The following SLC4A11 variants were observed in gnomAD, a reference collection of about 807,000 sequenced individuals.
SLC4A11 encodes the protein bicarbonate transporter related protein 1.
A neutral mutation model predicts 95.0 loss-of-function variants in SLC4A11; 74 were observed. The observed-to-expected ratio is 0.78, with a 90% CI of 0.65 to 0.95. The LOEUF (loss-of-function observed/expected upper bound fraction) is 0.95, where lower values mean the gene tolerates loss of function less well. Ranked by LOEUF, SLC4A11 falls within the 40% of genes least tolerant of loss-of-function variation. SLC4A11 has a pLI of 0.00. For synonymous variants in SLC4A11, 548 were observed against 519.0 expected, an observed-to-expected ratio of 1.06 and a Z score of -0.76; for missense variants, 1,081 against 1,192.4, an observed-to-expected ratio of 0.91 and a Z score of 1.38.
intron 7 of SLC4A11, among the ~76,000 whole-genome samples, chr20:3,233,037 G>A (rs1015474682): frequency 1.5e-4 from 23 of 152,212 alleles, no homozygotes; most frequent in Admixed American, 9.8e-4. Flanking sequence ...AGCTGAAGGC[G>A]CTGCCAAGGC....
Position 3,231,064 on chromosome 20 carries a change from A to G in SLC4A11, c.1043-6T>C, listed in dbSNP as rs765432673. ...CTTGTTTTTCCCAATAATGCCTAGG[A>G]ATGGGGGATGGGAGAGAGGGTTTGC... On this transcript the variant is annotated splice_polypyrimidine_tract_variant and splice_region_variant and intron_variant, in intron 9 of 19. Transcript: ENST00000642402. This position sits in a 1 kb window ranked among gnomAD's most constrained non-coding sequence, Gnocchi z 5.2. 6.2e-7 allele frequency: 1 copy of G among 1,608,850 alleles called. No homozygotes were observed. The highest frequency in any genetic ancestry group is 2.2e-5 in the East Asian group (1 of 44,872).
chr20:3,229,316 C>G (rs773461485), intron 15 of SLC4A11, 30 bp downstream of exon 15: 42 of 1,612,940 alleles, frequency 2.6e-5, no homozygotes, highest in African/African-American at 6.7e-5. Context: ...GGAGCTACCC[C>G]ACGTCACCCA....
rs2067997948 is a variant in SLC4A11, at chr20:3,236,872, C to T, written c.88+672G>A. 2.0e-5 allele frequency among the ~76,000 whole-genome samples: 3 copies of T among 152,244 alleles called. No homozygotes were observed. The South Asian group carries it at 6.2e-4, about 32-fold the overall frequency. ...CTAGATTAAGGACCTGCCCAGCTGA[C>T]ACTACCAGGTTCCTGGGGGGCTCCT... is the stretch of plus-strand genomic sequence containing the variant. On this transcript the variant is annotated intron_variant, in intron 2 of 19. Transcript: ENST00000642402.
intron 2 of SLC4A11, among the ~76,000 whole-genome samples, chr20:3,235,483 G>C (rs1193792246): frequency 6.6e-6 from 1 of 152,126 alleles, no homozygotes; most frequent in Non-Finnish European, 1.5e-5. Flanking sequence ...CAGGGAAACA[G>C]AGCCAGGGGC....
intron 1 of SLC4A11, chr20:3,237,891 A>C (rs996258064): frequency 4.5e-5 from 70 of 1,550,722 alleles, no homozygotes; most frequent in Non-Finnish European, 5.9e-5. Flanking sequence ...TAGTACCAGT[A>C]CCATGTTCGC....
intron 2 of SLC4A11, among the ~76,000 whole-genome samples, chr20:3,235,305 TCTCTCACACACACA>T (rs1411497013): frequency 2.7e-5 from 3 of 109,818 alleles, no homozygotes; most frequent in African/African-American, 9.9e-5. Flanking sequence ...TCTCTCTCTC[TCTCTCACACACACA>T]CACACACACA....
At chr20:3,230,287 G>T (rs776465360) in intron 12 of SLC4A11, 27 bp from the exon 13 acceptor site, 1 of 1,612,940 alleles carries the variant, frequency 6.2e-7, no homozygotes, top group South Asian at 1.1e-5. Context: ...AGCCTCATCA[G>T]AGTGGGTGTG....
At chr20:3,230,432 A>T in intron 12 of SLC4A11, 83 bp downstream of exon 12, 1 of 1,596,124 alleles carries the variant, frequency 6.3e-7, no homozygotes, top group South Asian at 1.1e-5. Flanking sequence ...TGGTGGGGGC[A>T]CCCCCACCAC....
chr20:3,227,849 G>A lies in SLC4A11; in HGVS notation c.2566C>T (p.Leu856=), dbSNP rs2122487248. The change falls in exon 20 of 20, where the codon CTG becomes TTG. Residue 856 remains leucine, a synonymous_variant. Transcript: ENST00000642402. ...MIAMIPIRYI[L]LPRIIEAKYL... ...TTGGCTTCAATGATTCGGGGCAGCA[G>A]GATATAGCTGTGGGGAGGGAGGGAC... 1 of 1,612,994 alleles carries A rather than the reference G, an allele frequency of 6.2e-7. No individual in the cohort carries two copies. The highest frequency in any genetic ancestry group is 1.3e-5 in the African/African-American group (1 of 75,008).
chr20:3,238,996 A>G, intron 1 of SLC4A11, 99 bp downstream of exon 1: 2 of 1,367,074 alleles, frequency 1.5e-6, no homozygotes, highest in South Asian at 1.6e-5. Context: ...CGGCCCGCGC[A>G]GGCAGACGGC....
chr20:3,227,917 T>TACCCCCCCCC, intron 19 of SLC4A11, 61 bp from the exon 20 acceptor site: 2 of 1,488,446 alleles, frequency 1.3e-6, no homozygotes, highest in East Asian at 2.5e-5. Context: ...TGGACACCCA[T>TACCCCCCCCC]CCCAGCCCAC....
chr20:3,238,180 T>C, intron 1 of SLC4A11: 1 of 1,436,428 alleles, frequency 7.0e-7, no homozygotes, highest in Non-Finnish European at 9.1e-7. Flanking sequence ...GAGCCGTTGG[T>C]CCAAAAGGGA....
rs534047070 is a variant in SLC4A11, at chr20:3,233,540, T to C, written c.703A>G (p.Ile235Val). ...GENSCEVRFV[I>V]LVLAPPKMKS... ...ATCTTGGGTGGGGCCAGCACCAGGA[T>C]GACGAACCGAACCTCACAGGAATTC... Residue 235 changes from isoleucine (I) to valine (V), a missense_variant, in exon 7 of 20, where the codon ATC (isoleucine) becomes GTC (valine). By Grantham distance (29) the Ile-to-Val change is conservative (BLOSUM62 3). Transcript: ENST00000642402. 1.2e-6 allele frequency: 2 copies of C among 1,613,752 alleles called. No homozygotes were observed. Among genetic ancestry groups the C allele is most frequent in the Admixed American group, 3.3e-5 (2 of 60,010 alleles).
In SLC4A11 at chr20:3,239,183, G is replaced by A. The variant is rs1424272075; in HGVS notation, c.-46C>T. On this transcript the variant is annotated 5_prime_UTR_variant, in exon 1 of 20. Coordinates refer to ENST00000642402, the MANE Select transcript of SLC4A11 (RefSeq NM_001174089.2). The stretch of plus-strand genomic sequence containing the variant: ...GCCGGGCTCCTCACGCGGCGCTCCG[G>A]CGCTTCTGGACCCCAAACTCGGCGA... 2 of 1,427,100 alleles carry A rather than the reference G, an allele frequency of 1.4e-6. No homozygotes were observed. 88.4% of individuals were successfully genotyped at this position (1,427,100 alleles called of 1,614,324 possible). A position where few individuals can be genotyped will look rare whatever the true frequency, so the allele number is the denominator to read the frequency against.
At chr20:3,228,754 A>G in intron 17 of SLC4A11, 47 bp from the exon 18 acceptor site, 2 of 1,612,382 alleles carry the variant, frequency 1.2e-6, no homozygotes, top group Non-Finnish European at 1.7e-6. Context: ...CCCTGTCCAC[A>G]GGGCCTCACT....
upstream of SLC4A11, chr20:3,239,338 G>A (rs1417808223): frequency 4.4e-6 from 5 of 1,147,452 alleles, no homozygotes; most frequent in African/African-American, 3.3e-5. Flanking sequence ...CGCCCGCCCC[G>A]CGCCCTCACC....
At position 3,233,980 on chromosome 20, in the gene SLC4A11, G is replaced by T; in HGVS notation, c.546C>A (p.Ile182=). The T allele has an allele frequency of 1.2e-6, 2 of 1,613,924 alleles. No homozygotes were observed. Among genetic ancestry groups the T allele is most frequent in the Middle Eastern group, 3.3e-4 (2 of 6,014 alleles). ...CTGTCACTGTGGCGGTGACCCCTTG[G>T]ATGGTATCTGACAGCAGGTGGACTG... ...RGKVHLLSDT[I]QGVTATVTGV... The change falls in exon 6 of 20, where the codon ATC becomes ATA. Residue 182 remains isoleucine (I), a synonymous_variant. Transcript: ENST00000642402.
intron 2 of SLC4A11, among the ~76,000 whole-genome samples, chr20:3,235,780 C>G (rs541424280): frequency 2.0e-5 from 3 of 151,986 alleles, no homozygotes; most frequent in Non-Finnish European, 4.4e-5. Flanking sequence ...ACAGCCTGAG[C>G]CAGCCCTGCT....
chr20:3,238,334 G>A, intron 1 of SLC4A11: 1 of 985,488 alleles, frequency 1.0e-6, no homozygotes, highest in Non-Finnish European at 1.2e-6. Flanking sequence ...GCGTGCACGA[G>A]AGGAAAGCGC....
Sources: allele counts gnomAD v4.1 joint callset (sites outside exome capture counted in the v4.1 genomes callset), GRCh38; gene constraint gnomAD v4.1.1; non-coding constraint Gnocchi (gnomAD v3.1); transcripts MANE v1.5; gene names NCBI Gene and HGNC (gene_info 2026-07-23, HGNC 2026-07-21).